CEP63: variants seen among roughly 807,000 people sequenced by gnomAD.
CEP63 encodes centrosomal protein of 63 kDa.
In CEP63, 84 loss-of-function variants were observed where a neutral mutation model predicts 89.1. The ratio of observed to expected loss-of-function variants is 0.94; its 90% CI spans 0.79 to 1.13. CEP63 has a LOEUF of 1.13. CEP63 is among the 50% of genes most tolerant of loss of function. The pLI is 0.00. For synonymous variants in CEP63, 267 were observed against 272.5 expected (o/e 0.98, Z 0.20); for missense variants, 838 against 813.3 (o/e 1.03, Z -0.37).
chr3:134,767,402 T>A, the CEP63 span, among the ~76,000 whole-genome samples: 1,245 of 152,242 alleles, frequency 8.2e-3, 14 homozygotes, highest in African/African-American at 0.027. Flanking sequence ...GCTGGAGGGT[T>A]TTGGGGAAAT....
the CEP63 span, among the ~76,000 whole-genome samples, chr3:134,696,895 A>G: frequency 6.6e-6 from 1 of 152,252 alleles, no homozygotes; most frequent in Non-Finnish European, 1.5e-5. Context: ...AGGGAATTGT[A>G]AGAGCAAAAC....
the CEP63 span, chr3:134,647,562 G>A: frequency 1.0e-6 from 1 of 960,700 alleles, no homozygotes; most frequent in Non-Finnish European, 1.7e-6. Flanking sequence ...ACCAGTTGCA[G>A]ACTTATCTAG....
At chr3:134,656,383 C>T in the CEP63 span, among the ~76,000 whole-genome samples, 4 of 152,232 alleles carry the variant, frequency 2.6e-5, no homozygotes, top group South Asian at 6.2e-4. Flanking sequence ...AGGGGAAGAG[C>T]ACTGAGAGGA....
the CEP63 span, among the ~76,000 whole-genome samples, chr3:134,634,321 A>C: frequency 6.6e-6 from 1 of 152,230 alleles, no homozygotes; most frequent in Non-Finnish European, 1.5e-5. Context: ...AAAAGATGGG[A>C]GGACTCCCAC....
chr3:134,776,981 C>T, the CEP63 span, among the ~76,000 whole-genome samples: 8 of 152,182 alleles, frequency 5.3e-5, no homozygotes, highest in Non-Finnish European at 8.8e-5. Context: ...CAGATTAAAG[C>T]AAATATTGCT....
the CEP63 span, among the ~76,000 whole-genome samples, chr3:134,676,324 A>G: frequency 1.3e-5 from 2 of 152,356 alleles, no homozygotes; most frequent in South Asian, 2.1e-4. Flanking sequence ...AAAAGAACCA[A>G]TCACAAAAGA....
intron 2 of CEP63, among the ~76,000 whole-genome samples, chr3:134,500,049 C>G (rs1941493352): frequency 6.6e-6 from 1 of 152,022 alleles, no homozygotes; most frequent in Non-Finnish European, 1.5e-5. Flanking sequence ...TGGTCTCGAA[C>G]TCCTGATCTC....
the CEP63 span, among the ~76,000 whole-genome samples, chr3:134,682,147 A>G: frequency 6.6e-6 from 1 of 152,140 alleles, no homozygotes; most frequent in Non-Finnish European, 1.5e-5. Context: ...GGTCTAATGT[A>G]TCTCCCATTA....
the CEP63 span, among the ~76,000 whole-genome samples, chr3:134,724,161 G>T: frequency 1.3e-5 from 2 of 152,168 alleles, no homozygotes; most frequent in Non-Finnish European, 2.9e-5. Context: ...CAAGACCATG[G>T]GAGGGACCTT....
At chr3:134,624,894 G>A in the CEP63 span, among the ~76,000 whole-genome samples, 68 of 152,296 alleles carry the variant, frequency 4.5e-4, 2 homozygotes, top group African/African-American at 1.5e-3. Flanking sequence ...GCTGCCTAGT[G>A]CCTTCTGTCC....
the CEP63 span, among the ~76,000 whole-genome samples, chr3:134,643,955 C>T: frequency 6.6e-6 from 1 of 151,970 alleles, no homozygotes; most frequent in Non-Finnish European, 1.5e-5. Context: ...ACCTCCGGAG[C>T]AGCTGGGACT....
chr3:134,485,990 C>CGG, upstream of CEP63: 20 of 837,558 alleles, frequency 2.4e-5, no homozygotes, highest in Non-Finnish European at 2.5e-5. Flanking sequence ...GCTCCTGCCA[C>CGG]GCCCCCCCCC....
At chr3:134,520,915 G>C (rs1438348357) in intron 3 of CEP63, among the ~76,000 whole-genome samples, 1 of 152,136 alleles carries the variant, frequency 6.6e-6, no homozygotes, top group Non-Finnish European at 1.5e-5. Flanking sequence ...AAATGCTGAA[G>C]ATTTTCTAGA....
At chr3:134,534,051 C>T (rs1379385210) in intron 5 of CEP63, among the ~76,000 whole-genome samples, 2 of 152,046 alleles carry the variant, frequency 1.3e-5, no homozygotes, top group Non-Finnish European at 2.9e-5. Flanking sequence ...TCAAAAACCC[C>T]ATCTTTGATT....
At chr3:134,720,282 A>G in the CEP63 span, among the ~76,000 whole-genome samples, 1 of 152,140 alleles carries the variant, frequency 6.6e-6, no homozygotes, top group Non-Finnish European at 1.5e-5. Flanking sequence ...TGTCTATTCG[A>G]ACTTTTTTCC....
the CEP63 span, among the ~76,000 whole-genome samples, chr3:134,614,495 G>C: frequency 1.3e-5 from 2 of 151,942 alleles, no homozygotes; most frequent in Non-Finnish European, 2.9e-5. Context: ...TCAGGGCTCA[G>C]GGACCCAATC....
At chr3:134,777,983 C>G in the CEP63 span, among the ~76,000 whole-genome samples, 1 of 152,050 alleles carries the variant, frequency 6.6e-6, no homozygotes, top group East Asian at 1.9e-4. Flanking sequence ...CACACACACA[C>G]CAACCACTAT....
At chr3:134,565,776 TAAAAA>T (rs530861293), downstream of CEP63, among the ~76,000 whole-genome samples, 11 of 130,566 alleles carry the variant, frequency 8.4e-5, no homozygotes, top group Admixed American at 8.5e-4. Context: ...GCCCATAAGA[TAAAAA>T]AAAAAAAAAA....
chr3:134,655,983 A>T, the CEP63 span, among the ~76,000 whole-genome samples: 2 of 152,156 alleles, frequency 1.3e-5, no homozygotes, highest in South Asian at 4.1e-4. Context: ...ATGGAGAGGA[A>T]GTGTGTTGTG....
Sources: allele counts gnomAD v4.1 joint callset (sites outside exome capture counted in the v4.1 genomes callset), GRCh38; gene constraint gnomAD v4.1.1; transcripts MANE v1.5; gene names NCBI Gene and HGNC (gene_info 2026-07-23, HGNC 2026-07-21).